FAM135B: variants seen among roughly 807,000 people sequenced by gnomAD.
FAM135B encodes family with sequence similarity 135 member B.
A neutral mutation model predicts 127.7 loss-of-function variants in FAM135B; 43 were observed. That is an observed-to-expected ratio of 0.34 (90% CI 0.26 to 0.43). The LOEUF is 0.43. Among genes scored for constraint, FAM135B ranks in the 20% least tolerant of loss-of-function variants. FAM135B has a pLI of 1.00. For synonymous variants in FAM135B, 670 were observed against 665.1 expected (o/e 1.01, Z -0.11); for missense variants, 1,558 against 1,725.6 (o/e 0.90, Z 1.72).
chr8:138,386,546 A>T (rs1296947138), intron 1 of FAM135B, among the ~76,000 whole-genome samples: 1 of 152,214 alleles, frequency 6.6e-6, no homozygotes, highest in Non-Finnish European at 1.5e-5. Context: ...AGCATTAGGG[A>T]TTCTAGGAGT....
intron 1 of FAM135B, among the ~76,000 whole-genome samples, chr8:138,406,268 T>C (rs35929760): frequency 0.07 from 10,617 of 152,164 alleles, 788 homozygotes; most frequent in East Asian, 0.26. Flanking sequence ...CAATAATCAA[T>C]AGCTTACCAA....
intron 2 of FAM135B, among the ~76,000 whole-genome samples, chr8:138,341,210 T>C (rs748744851): frequency 1.3e-5 from 2 of 152,192 alleles, no homozygotes; most frequent in African/African-American, 2.4e-5. Flanking sequence ...GCCCATACAA[T>C]GGAACAGTAT....
chr8:138,434,601 T>C (rs1835363053), intron 1 of FAM135B, among the ~76,000 whole-genome samples: 1 of 152,188 alleles, frequency 6.6e-6, no homozygotes, highest in South Asian at 2.1e-4. Context: ...TGTAAAAATA[T>C]GGTATTAGGC....
intron 6 of FAM135B, among the ~76,000 whole-genome samples, chr8:138,247,172 C>T (rs1056863129): frequency 1.6e-4 from 25 of 152,238 alleles, no homozygotes; most frequent in African/African-American, 5.8e-4. Context: ...TGGGTTAATG[C>T]TGGAATGAAT....
At chr8:138,355,600 G>T (rs16908915) in intron 2 of FAM135B, among the ~76,000 whole-genome samples, 1 of 152,182 alleles carries the variant, frequency 6.6e-6, no homozygotes, top group South Asian at 2.1e-4. Flanking sequence ...TATCTCTCAC[G>T]CCTGTCAGTC....
intron 7 of FAM135B, among the ~76,000 whole-genome samples, chr8:138,231,327 CTT>C (rs1194336521): frequency 6.6e-6 from 1 of 152,084 alleles, no homozygotes; most frequent in Non-Finnish European, 1.5e-5. Context: ...GTCCTCAAGA[CTT>C]TTTTAAATAG....
chr8:138,260,935 C>T (rs1281495469), intron 4 of FAM135B, among the ~76,000 whole-genome samples: 6 of 152,040 alleles, frequency 3.9e-5, no homozygotes, highest in African/African-American at 1.2e-4. Flanking sequence ...TGTCCTCAAC[C>T]TTCCTCTCTA....
chr8:138,483,097 AT>A (rs899878385), intron 1 of FAM135B, among the ~76,000 whole-genome samples: 1 of 152,032 alleles, frequency 6.6e-6, no homozygotes, highest in African/African-American at 2.4e-5. Flanking sequence ...AAAAAAAAAA[AT>A]CTCACTGTCT....
At chr8:138,133,150 T>C (rs1460260670) in intron 19 of FAM135B, among the ~76,000 whole-genome samples, 1 of 152,148 alleles carries the variant, frequency 6.6e-6, no homozygotes, top group African/African-American at 2.4e-5. Context: ...TTTCAAGTTC[T>C]ATTTCAGGGG....
At chr8:138,365,336 C>A (rs1384468253) in intron 2 of FAM135B, among the ~76,000 whole-genome samples, 2 of 152,124 alleles carry the variant, frequency 1.3e-5, no homozygotes, top group Admixed American at 6.6e-5. Flanking sequence ...TTTTTATCCT[C>A]ATTTTTCAAG....
intron 1 of FAM135B, among the ~76,000 whole-genome samples, chr8:138,480,895 A>C (rs182113741): frequency 1.2e-4 from 19 of 152,354 alleles, no homozygotes; most frequent in Admixed American, 1.0e-3. Flanking sequence ...TGAGCTTCAG[A>C]ATCTTCATTT....
intron 9 of FAM135B, among the ~76,000 whole-genome samples, chr8:138,184,194 G>A (rs1279319174): frequency 6.6e-6 from 1 of 152,188 alleles, no homozygotes; most frequent in African/African-American, 2.4e-5. Flanking sequence ...ATAGCTTGCA[G>A]AAAGATACTG....
chr8:138,406,096 T>C (rs1186190468), intron 1 of FAM135B, among the ~76,000 whole-genome samples: 3 of 148,002 alleles, frequency 2.0e-5, no homozygotes, highest in African/African-American at 7.7e-5. Context: ...TTTGAGTTCA[T>C]TGTAGATTCT....
chr8:138,223,215 G>A (rs997308412), intron 7 of FAM135B, among the ~76,000 whole-genome samples: 1 of 152,192 alleles, frequency 6.6e-6, no homozygotes, highest in Admixed American at 6.5e-5. Context: ...CAAAATCCAT[G>A]TGGCAATGAC....
At chr8:138,432,013 C>T (rs1425016746) in intron 1 of FAM135B, among the ~76,000 whole-genome samples, 2 of 152,202 alleles carry the variant, frequency 1.3e-5, no homozygotes, top group Non-Finnish European at 2.9e-5. Context: ...CTCCCCTAAA[C>T]CAGCCACTGG....
intron 1 of FAM135B, among the ~76,000 whole-genome samples, chr8:138,390,458 G>A (rs946671322): frequency 2.6e-5 from 4 of 151,926 alleles, no homozygotes; most frequent in African/African-American, 9.7e-5. Context: ...CCACCCACAT[G>A]GAACTGTGAG....
intron 1 of FAM135B, among the ~76,000 whole-genome samples, chr8:138,464,110 G>A (rs1474524057): frequency 6.6e-6 from 1 of 152,154 alleles, no homozygotes; most frequent in Non-Finnish European, 1.5e-5. Context: ...CATGCATCAG[G>A]CACTGCTAGA....
chr8:138,276,772 G>A (rs1823858934), intron 3 of FAM135B, among the ~76,000 whole-genome samples: 1 of 152,132 alleles, frequency 6.6e-6, no homozygotes, highest in African/African-American at 2.4e-5. Context: ...CTGGAGCAGG[G>A]CAGGATATTC....
intron 1 of FAM135B, among the ~76,000 whole-genome samples, chr8:138,466,676 T>C (rs1033014326): frequency 2.2e-4 from 34 of 152,184 alleles, no homozygotes; most frequent in Admixed American, 3.9e-4. Context: ...TAATAATCTA[T>C]GCCAATGCAA....
Sources: gnomAD v4.1 joint callset for allele counts (sites outside exome capture counted in the v4.1 genomes callset) on GRCh38, gnomAD v4.1.1 for gene constraint, MANE v1.5 for transcripts, NCBI Gene and HGNC (gene_info 2026-07-23, HGNC 2026-07-21) for gene names.